The following CYP4F2 variants were observed in gnomAD, a reference collection of about 807,000 sequenced individuals.
CYP4F2 encodes the protein cytochrome P450 family 4 subfamily F member 2.
In CYP4F2, 58 loss-of-function variants were observed where a neutral mutation model predicts 58.9. That is an observed-to-expected ratio of 0.98 (90% CI 0.80 to 1.23). The LOEUF is 1.23. Among genes scored for constraint, CYP4F2 ranks in the 50% most tolerant of loss-of-function variants. The pLI is 0.00. For missense variants in CYP4F2, 616 were observed against 685.6 expected (o/e 0.90, Z 1.13); for synonymous variants, 287 against 261.1 (o/e 1.10, Z -0.95).
intron 3 of CYP4F2, chr19:15,893,981 G>T: frequency 4.5e-6 from 1 of 222,194 alleles, no homozygotes; most frequent in Non-Finnish European, 9.6e-6. Context: ...AGAATTTCAA[G>T]CAGCATCTCA....
At chr19:15,889,800 C>A (rs1300462988) in intron 6 of CYP4F2, 107 bp from the exon 7 acceptor site, 1 of 1,487,232 alleles carries the variant, frequency 6.7e-7, no homozygotes, top group Non-Finnish European at 9.2e-7. Context: ...AACAGAGTAT[C>A]CAGGAACAGA....
intron 11 of CYP4F2, 47 bp from the exon 12 acceptor site, chr19:15,879,475 G>A (rs575784610): frequency 3.1e-6 from 5 of 1,611,080 alleles, no homozygotes; most frequent in East Asian, 2.2e-5. Context: ...CTCCCAGTCC[G>A]CCAGCCTTGG....
intron 2 of CYP4F2, among the ~76,000 whole-genome samples, chr19:15,896,182 C>T (rs111759362): frequency 0.029 from 4,397 of 152,184 alleles, 235 homozygotes; most frequent in African/African-American, 0.097. Flanking sequence ...TCCATCCATC[C>T]ATCCATCCAT....
chr19:15,888,337 AACATAG>A (rs1197805739), intron 7 of CYP4F2, among the ~76,000 whole-genome samples: 2 of 150,158 alleles, frequency 1.3e-5, no homozygotes, highest in African/African-American at 2.5e-5. Context: ...AATACACATA[AACATAG>A]ACATAGACAC....
Position 15,892,437 on chromosome 19 carries a change from C to T in CYP4F2, c.398-1G>A, listed in dbSNP as rs1277283483. On this transcript the variant is annotated splice_acceptor_variant, in intron 4 of 12. Coordinates refer to ENST00000221700, the MANE Select transcript of CYP4F2 (RefSeq NM_001082.5). LOFTEE classifies it high-confidence loss of function. Reference sequence around the variant, plus strand: ...CCAGCACTCAGCAGGAGCCCATCCCCTAGCAGGGCAGCCAAGGGCCATGGG... The same window carrying T: ...CCAGCACTCAGCAGGAGCCCATCCCTTAGCAGGGCAGCCAAGGGCCATGGG... The T allele has an allele frequency of 2.0e-5, 32 of 1,614,096 alleles. No homozygotes were observed. Among genetic ancestry groups the T allele is most frequent in the Non-Finnish European group, 2.6e-5 (31 of 1,180,042 alleles).
At chr19:15,879,519 G>A (rs1415075745) in intron 11 of CYP4F2, 85 bp downstream of exon 11, 39 of 1,606,978 alleles carry the variant, frequency 2.4e-5, no homozygotes, top group Non-Finnish European at 3.0e-5. Flanking sequence ...TTTGAGGGAG[G>A]TGATGTTGGA....
At chr19:15,886,117 C>A in intron 8 of CYP4F2, 64 bp from the exon 9 acceptor site, 1 of 1,605,448 alleles carries the variant, frequency 6.2e-7, no homozygotes, top group South Asian at 1.1e-5. Context: ...TAGACAGCAC[C>A]CATGCATTGA....
rs2089376354 is a variant in CYP4F2 at position 15,885,990 on chromosome 19, T to C, written c.1049A>G (p.Tyr350Cys). ...CACCTCCTGCCGGCAGCGCTCCTGGTATTCTGGGTGCTTTGCAAGGTGGTA... is the reference window on the plus strand; with the variant it reads ...CACCTCCTGCCGGCAGCGCTCCTGGCATTCTGGGTGCTTTGCAAGGTGGTA... ...VLYHLAKHPE[Y>C]QERCRQEVQE... is the part of the protein sequence containing the mutation. Residue 350 changes from tyrosine to cysteine, a missense_variant, in exon 9 of 13, where the codon TAC becomes TGC. Tyr to Cys is a radical substitution (Grantham distance 194). Transcript: ENST00000221700. The C allele has an allele frequency of 6.2e-7, 1 of 1,614,098 alleles. No individual in the cohort carries two copies. Among genetic ancestry groups the C allele is most frequent in the South Asian group, 1.1e-5 (1 of 91,076 alleles).
At chr19:15,881,793 T>C (rs967908635) in intron 9 of CYP4F2, among the ~76,000 whole-genome samples, 1 of 151,326 alleles carries the variant, frequency 6.6e-6, no homozygotes, top group Non-Finnish European at 1.5e-5. Context: ...TGGAATACCA[T>C]TCAGCCTTAA....
chr19:15,879,515 G>A, intron 11 of CYP4F2, 87 bp from the exon 12 acceptor site: 4 of 1,607,246 alleles, frequency 2.5e-6, no homozygotes, highest in Non-Finnish European at 2.6e-6. Flanking sequence ...TGTCTTTGAG[G>A]GAGGTGATGT....
intron 7 of CYP4F2, among the ~76,000 whole-genome samples, chr19:15,888,449 C>A (rs1357714875): frequency 6.6e-6 from 1 of 151,818 alleles, no homozygotes; most frequent in Non-Finnish European, 1.5e-5. Flanking sequence ...GATACAGACG[C>A]ACACACATAG....
chr19:15,890,500 C>G, intron 5 of CYP4F2, 67 bp from the exon 6 acceptor site: 1 of 1,592,404 alleles, frequency 6.3e-7, no homozygotes, highest in Non-Finnish European at 8.5e-7. Flanking sequence ...CCAACCCCAA[C>G]TGCCAAGATG....
rs368748953 is a variant in CYP4F2 at position 15,878,891 on chromosome 19, G to C, written c.1443C>G (p.Val481=). 10 of 1,614,048 alleles carry C rather than the reference G, an allele frequency of 6.2e-6. No homozygotes were observed. Among genetic ancestry groups the C allele is most frequent in the Non-Finnish European group, 8.5e-6 (10 of 1,179,998 alleles). The change falls in exon 13 of 13, where the codon GTC becomes GTG. Residue 481 remains valine (V), a synonymous_variant. Transcript: ENST00000221700. Reference sequence around the variant, plus strand: ...GGAAGCGCAGCAGCGTGAGCGCCAGGACCACCTTCATCTCCGCCATCGCGA... The same window carrying C: ...GGAAGCGCAGCAGCGTGAGCGCCAGCACCACCTTCATCTCCGCCATCGCGA... The part of the protein sequence containing the change: ...QTFAMAEMKV[V]LALTLLRFRV...
chr19:15,891,683 T>C (rs984326776), intron 5 of CYP4F2, among the ~76,000 whole-genome samples: 6 of 152,124 alleles, frequency 3.9e-5, no homozygotes, highest in Admixed American at 3.9e-4. Flanking sequence ...CTAAGCCTTG[T>C]CTTACTCCTT....
At chr19:15,889,817 C>G in intron 6 of CYP4F2, 124 bp from the exon 7 acceptor site, 2 of 1,403,294 alleles carry the variant, frequency 1.4e-6, no homozygotes, top group Non-Finnish European at 2.0e-6. Context: ...CAGATGACCC[C>G]ACAGATACAG....
At chr19:15,879,186 C>A (rs1167504018) in intron 12 of CYP4F2, among the ~76,000 whole-genome samples, 160 bp downstream of exon 12, 3 of 152,282 alleles carry the variant, frequency 2.0e-5, no homozygotes, top group African/African-American at 4.8e-5. Flanking sequence ...TAGGACCAAC[C>A]CAACCGTACT....
Position 15,878,865 on chromosome 19 carries a change from C to T in CYP4F2, c.1469G>A (p.Arg490His), listed in dbSNP as rs143677430. Residue 490 changes from arginine to histidine, a missense_variant, in exon 13 of 13, where the codon CGC (arginine) becomes CAC (histidine). Coordinates refer to ENST00000221700, the MANE Select transcript of CYP4F2 (RefSeq NM_001082.5). Reference protein sequence around the residue: ...VVLALTLLRFRVLPDHTEPRR... With the variant: ...VVLALTLLRFHVLPDHTEPRR... ...GGGCTCGGTGTGGTCAGGCAGGACG[C>T]GGAAGCGCAGCAGCGTGAGCGCCAG... 95 of 1,613,898 alleles carry T rather than the reference C, an allele frequency of 5.9e-5. 1 individual carries two copies. The highest frequency in any genetic ancestry group is 5.1e-4 in the African/African-American group (38 of 74,916).
At chr19:15,885,138 C>T (rs2089369403) in intron 9 of CYP4F2, among the ~76,000 whole-genome samples, 1 of 151,864 alleles carries the variant, frequency 6.6e-6, no homozygotes, top group Admixed American at 6.6e-5. Context: ...CTCTCTTCCT[C>T]CCTCTCTCTT....
At chr19:15,896,990 G>A (rs539166525) in intron 2 of CYP4F2, among the ~76,000 whole-genome samples, 7 of 152,292 alleles carry the variant, frequency 4.6e-5, no homozygotes, top group East Asian at 3.9e-4. Flanking sequence ...AGTGGGAGAC[G>A]GCCCATGCCT....
Sources: allele counts gnomAD v4.1 joint callset (sites outside exome capture counted in the v4.1 genomes callset), GRCh38; gene constraint gnomAD v4.1.1; transcripts MANE v1.5; gene names NCBI Gene and HGNC (gene_info 2026-07-23, HGNC 2026-07-21).